FRYL: variants seen among roughly 807,000 people sequenced by gnomAD.
FRYL encodes FRY like transcription coactivator.
Under a neutral mutation model 351.2 loss-of-function variants are expected in FRYL, and 150 were observed. The ratio of observed to expected loss-of-function variants is 0.43; its 90% CI spans 0.37 to 0.49. The LOEUF (loss-of-function observed/expected upper bound fraction) is 0.49. Ranked by LOEUF, FRYL falls within the 20% of genes least tolerant of loss-of-function variation. The pLI is 0.00. For synonymous variants in FRYL, 1,153 were observed against 1,257.1 expected (o/e 0.92, Z 1.75); for missense variants, 3,036 against 3,619.3 (o/e 0.84, Z 4.13).
chr4:48,583,245 G>C (rs1486249843), intron 19 of FRYL, among the ~76,000 whole-genome samples: 1 of 151,454 alleles, frequency 6.6e-6, no homozygotes, highest in Non-Finnish European at 1.5e-5. Context: ...ACTGTCTTCT[G>C]GGTTCACGCC....
At chr4:48,767,737 A>AT (rs1423765313) in intron 1 of FRYL, among the ~76,000 whole-genome samples, 1 of 152,202 alleles carries the variant, frequency 6.6e-6, no homozygotes, top group Non-Finnish European at 1.5e-5. Context: ...TGAAAACCTA[A>AT]TGTACAGCAT....
intron 7 of FRYL, among the ~76,000 whole-genome samples, chr4:48,614,474 C>A (rs113590868): frequency 6.6e-6 from 1 of 152,224 alleles, no homozygotes; most frequent in South Asian, 2.1e-4. Context: ...GTAATCCCTG[C>A]ACTTTGGGAG....
At chr4:48,657,649 T>C (rs1198583077) in intron 3 of FRYL, among the ~76,000 whole-genome samples, 2 of 152,198 alleles carry the variant, frequency 1.3e-5, no homozygotes, top group Non-Finnish European at 2.9e-5. Flanking sequence ...AAATTGTTTC[T>C]TGATGGCATA....
Position 48,581,428 on chromosome 4 carries a change from T to C in FRYL, c.2164A>G (p.Ile722Val), listed in dbSNP as rs369401878. 7 of 1,604,246 alleles carry C rather than the reference T, an allele frequency of 4.4e-6. No homozygotes were observed. In the South Asian group the frequency reaches 5.6e-5, roughly 13 times the overall value. Reference protein sequence around the residue: ...EIRALFALLEIPKGDDELAID... With the variant: ...EIRALFALLEVPKGDDELAID... Reference sequence around the variant, plus strand: ...AAATACCTAAATCTTACCTTAGGTATTTCCAGAAGTGCAAATAAAGCCCGT... The same window carrying C: ...AAATACCTAAATCTTACCTTAGGTACTTCCAGAAGTGCAAATAAAGCCCGT... Residue 722 changes from isoleucine to valine, a missense_variant, in exon 21 of 64, where the codon ATA (isoleucine) becomes GTA (valine). By Grantham distance (29) the Ile-to-Val change is conservative. This residue lies in a region of FRYL where 492 missense variants were observed against 551.5 expected (regional missense o/e 0.89). Transcript: ENST00000358350.
At chr4:48,761,168 T>C (rs1035467479) in intron 1 of FRYL, among the ~76,000 whole-genome samples, 2 of 152,160 alleles carry the variant, frequency 1.3e-5, no homozygotes, top group Admixed American at 6.5e-5. Flanking sequence ...TTGAAAAAAA[T>C]AATTTTACAT....
intron 1 of FRYL, among the ~76,000 whole-genome samples, chr4:48,758,997 C>T (rs972898835): frequency 9.2e-5 from 14 of 152,088 alleles, no homozygotes; most frequent in East Asian, 1.9e-4. Context: ...AACTAAACAC[C>T]GCATGTTCTC....
intron 1 of FRYL, among the ~76,000 whole-genome samples, chr4:48,719,378 T>C (rs1769213905): frequency 6.6e-6 from 1 of 151,630 alleles, no homozygotes; most frequent in Admixed American, 6.6e-5. Flanking sequence ...ATTTTTAAAG[T>C]AGAAAGTCAC....
chr4:48,724,019 T>C (rs1769801595), intron 1 of FRYL, among the ~76,000 whole-genome samples: 1 of 151,222 alleles, frequency 6.6e-6, no homozygotes. Context: ...TCCCAGCTAC[T>C]TGGGAGGTTG....
chr4:48,583,388 T>C (rs762298980), intron 19 of FRYL, among the ~76,000 whole-genome samples: 20 of 152,124 alleles, frequency 1.3e-4, no homozygotes, highest in East Asian at 1.9e-4. Flanking sequence ...CCTGACCTCA[T>C]GATCTGCCCG....
chr4:48,687,516 AG>A (rs1560861234), intron 2 of FRYL, among the ~76,000 whole-genome samples: 7 of 46,554 alleles, frequency 1.5e-4, no homozygotes, highest in African/African-American at 5.6e-4. Context: ...GTGAGGGGGG[AG>A]GGGGGCGGAA....
At chr4:48,661,249 G>C (rs1284691447) in intron 3 of FRYL, among the ~76,000 whole-genome samples, 1 of 152,216 alleles carries the variant, frequency 6.6e-6, no homozygotes, top group African/African-American at 2.4e-5. Flanking sequence ...CCCTGAGGGA[G>C]TAACTGGAAT....
intron 1 of FRYL, among the ~76,000 whole-genome samples, chr4:48,733,623 T>C (rs538543963): frequency 2.6e-5 from 4 of 152,272 alleles, no homozygotes; most frequent in African/African-American, 4.8e-5. Context: ...AACAATGTAT[T>C]AAATTATATA....
chr4:48,716,076 A>T (rs1768790634), intron 1 of FRYL, among the ~76,000 whole-genome samples: 1 of 152,232 alleles, frequency 6.6e-6, no homozygotes, highest in Admixed American at 6.5e-5. Flanking sequence ...AGCCATATGT[A>T]AAAAGCAGAA....
intron 3 of FRYL, among the ~76,000 whole-genome samples, chr4:48,668,386 T>TAA (rs1226517947): frequency 4.6e-4 from 56 of 122,864 alleles, no homozygotes; most frequent in African/African-American, 1.1e-3. Flanking sequence ...CTCAAAAAAT[T>TAA]AAAAAAAAAA....
At chr4:48,550,446 T>C in intron 38 of FRYL, 146 bp downstream of exon 38, 1 of 577,194 alleles carries the variant, frequency 1.7e-6, no homozygotes, top group Non-Finnish European at 3.0e-6. Flanking sequence ...AATCAAGATG[T>C]TTCAGATTAT....
intron 2 of FRYL, among the ~76,000 whole-genome samples, chr4:48,694,627 T>G (rs1765979205): frequency 6.6e-6 from 1 of 152,214 alleles, no homozygotes; most frequent in Admixed American, 6.5e-5. Context: ...CCAGTATACA[T>G]ATACACAATA....
chr4:48,510,225 G>C, intron 58 of FRYL, 68 bp from the exon 59 acceptor site: 1 of 1,173,928 alleles, frequency 8.5e-7, no homozygotes, highest in Non-Finnish European at 1.3e-6. Context: ...ACAAAATCAT[G>C]AGACTTTTCA....
chr4:48,699,773 G>A (rs192789490), intron 2 of FRYL, among the ~76,000 whole-genome samples: 350 of 143,022 alleles, frequency 2.4e-3, no homozygotes, highest in Non-Finnish European at 3.1e-3. Context: ...CCTCTATTTT[G>A]AGAGAATATT....
At chr4:48,516,261 A>C (rs1287533791) in intron 55 of FRYL, among the ~76,000 whole-genome samples, 1 of 152,248 alleles carries the variant, frequency 6.6e-6, no homozygotes, top group Non-Finnish European at 1.5e-5. Flanking sequence ...GTTATAAAGC[A>C]TACTAGTGGT....
Sources: allele counts gnomAD v4.1 joint callset (sites outside exome capture counted in the v4.1 genomes callset), GRCh38; gene constraint gnomAD v4.1.1; regional missense constraint gnomAD v4.1.1; transcripts MANE v1.5; gene names NCBI Gene and HGNC (gene_info 2026-07-23, HGNC 2026-07-21).